KLC4: variants seen among roughly 807,000 people sequenced by gnomAD.
KLC4 encodes kinesin light chain 4.
A neutral mutation model predicts 77.2 loss-of-function variants in KLC4; 49 were observed. That is an observed-to-expected ratio of 0.63 (90% confidence interval 0.50 to 0.80). The LOEUF is 0.80. KLC4 is among the 30% of genes least tolerant of loss of function. The pLI is 0.00. For missense variants in KLC4, 669 were observed against 793.5 expected (o/e 0.84, Z 1.89); for synonymous variants, 274 against 314.5 (o/e 0.87, Z 1.36).
At position 43,070,346 on chromosome 6, in the gene KLC4, C is replaced by G. The variant is rs762463003; in HGVS notation, c.880-8C>G. On this transcript the variant is annotated splice_region_variant and splice_polypyrimidine_tract_variant and intron_variant, in intron 6 of 15. Transcript: ENST00000347162. Reference sequence around the variant, plus strand: ...AAATGTCTGATGGGGACAGGCCTGTCTTCATAGGTGGCTGCCACACTCAAC... The same window carrying G: ...AAATGTCTGATGGGGACAGGCCTGTGTTCATAGGTGGCTGCCACACTCAAC... The G allele has an allele frequency of 6.2e-7, 1 of 1,609,832 alleles. No individual in the cohort carries two copies. The highest frequency in any genetic ancestry group is 1.1e-5 in the South Asian group (1 of 90,960).
rs1342914591 is a variant in KLC4, at chr6:43,071,624, G to A, written c.1308+5G>A. 1 of 1,613,592 alleles carries A rather than the reference G, an allele frequency of 6.2e-7. No individual in the cohort carries two copies. Among genetic ancestry groups the A allele is most frequent in the South Asian group, 1.1e-5 (1 of 91,018 alleles). On this transcript the variant is annotated splice_donor_5th_base_variant and intron_variant, in intron 10 of 15. Transcript: ENST00000347162. ...GAGCGGGAGGAAATGAGCAAAGTGAGTGGGGGGAAGGGGGGCCAGCCTGGG... is the reference window on the plus strand; with the variant it reads ...GAGCGGGAGGAAATGAGCAAAGTGAATGGGGGGAAGGGGGGCCAGCCTGGG...
chr6:43,066,357 CAGCA>C lies in KLC4; in HGVS notation c.626_629del (p.Ala209GlyfsTer9). 1 of 1,614,152 alleles carries C rather than the reference CAGCA, an allele frequency of 6.2e-7. No individual in the cohort carries two copies. The highest frequency in any genetic ancestry group is 8.5e-7 in the Non-Finnish European group (1 of 1,180,022). On this transcript the variant is annotated frameshift_variant, in exon 5 of 16. Coordinates refer to ENST00000347162, the MANE Select transcript of KLC4 (RefSeq NM_201521.3). LOFTEE classifies it high-confidence loss of function. Reference sequence around the variant, plus strand: ...GCTCAGCAGGGTGGATATGAGATCCCAGCAAGGTTGCGGACGTTGCACAACCTGG... The same window carrying C: ...GCTCAGCAGGGTGGATATGAGATCCCAGGTTGCGGACGTTGCACAACCTGG...
Position 43,073,957 on chromosome 6 carries a change from C to T in KLC4, c.1801C>T (p.Pro601Ser). 2 of 1,610,290 alleles carry T rather than the reference C, an allele frequency of 1.2e-6. No homozygotes were observed. Among genetic ancestry groups the T allele is most frequent in the Non-Finnish European group, 8.5e-7 (1 of 1,178,002 alleles). ...CTATCTGAACCAACCTAGTGCAGCA[C>T]CCCTCCAGGTGAGAGCAGTGCTTGT... The part of the protein sequence containing the change: ...LNYLNQPSAA[P>S]LQVSRGLSAS... Residue 601 changes from proline (P) to serine (S), a missense_variant, in exon 15 of 16, where the codon CCC becomes TCC. Physicochemically the swap from Pro to Ser is moderately conservative, Grantham distance 74. Transcript: ENST00000347162.
In KLC4 at chr6:43,071,613, G is replaced by A. The variant is rs761552573; in HGVS notation, c.1302G>A (p.Met434Ile). 8 of 1,613,544 alleles carry A rather than the reference G, an allele frequency of 5.0e-6. No individual in the cohort carries two copies. Among genetic ancestry groups the A allele is most frequent in the African/African-American group, 2.7e-5 (2 of 74,868 alleles). Reference sequence around the variant, plus strand: ...TGCATGCAGAGGAGCGGGAGGAAATGAGCAAAGTGAGTGGGGGGAAGGGGG... The same window carrying A: ...TGCATGCAGAGGAGCGGGAGGAAATAAGCAAAGTGAGTGGGGGGAAGGGGG... ...IWMHAEEREE[M>I]SKSRHHEGGT... The change falls in exon 10 of 16, where the codon ATG (methionine) becomes ATA (isoleucine). Residue 434 changes from methionine (M) to isoleucine (I), a missense_variant. Transcript: ENST00000347162.
chr6:43,068,584 G>A (rs553820628), intron 6 of KLC4, among the ~76,000 whole-genome samples: 52 of 150,522 alleles, frequency 3.5e-4, no homozygotes, highest in African/African-American at 1.2e-3. Flanking sequence ...AAGGCAGGTC[G>A]ATCACCTGAG....
intron 11 of KLC4, 57 bp downstream of exon 11, chr6:43,071,979 T>C: frequency 6.6e-7 from 1 of 1,516,840 alleles, no homozygotes; most frequent in African/African-American, 1.4e-5. Flanking sequence ...CAGTCCCTGC[T>C]CCCAGCCTCC....
rs1235950878 is a variant in KLC4 at position 43,073,324 on chromosome 6, G to A, written c.1731G>A (p.Glu577=). 1 of 1,612,912 alleles carries A rather than the reference G, an allele frequency of 6.2e-7. No homozygotes were observed. Among genetic ancestry groups the A allele is most frequent in the South Asian group, 1.1e-5 (1 of 91,022 alleles). Residue 577 remains glutamate, a synonymous_variant, in exon 14 of 16, where the codon GAG becomes GAA. Coordinates refer to ENST00000347162, the MANE Select transcript of KLC4 (RefSeq NM_201521.3). ...TGGTGAGGAAGCTCCAGGGGACTGA[G>A]CCTCGGCCCTCCAGGTATACATGGA... ...ELLVRKLQGT[E]PRPSSSNMKR...
chr6:43,062,880 A>G, intron 2 of KLC4, 37 bp from the exon 3 acceptor site: 1 of 1,574,618 alleles, frequency 6.4e-7, no homozygotes. Flanking sequence ...GAATACTCCC[A>G]CCCAGAATCT....
intron 7 of KLC4, 85 bp downstream of exon 7, chr6:43,070,540 T>G: frequency 7.2e-7 from 1 of 1,391,094 alleles, no homozygotes. Context: ...CTCCTTCACT[T>G]TTTTTTTCTC....
In KLC4 at chr6:43,062,949, A is replaced by G. The variant is rs763478749; in HGVS notation, c.291A>G (p.Thr97=). 1.2e-6 allele frequency: 2 copies of G among 1,614,210 alleles called. No individual in the cohort carries two copies. Among genetic ancestry groups the G allele is most frequent in the Admixed American group, 1.7e-5 (1 of 60,026 alleles). The change falls in exon 3 of 16, where the codon ACA becomes ACG. Residue 97 remains threonine (T), a synonymous_variant. Coordinates refer to ENST00000347162, the MANE Select transcript of KLC4 (RefSeq NM_201521.3). Reference sequence around the variant, plus strand: ...TGGCTCTAGCCAGCCACCTGAGCACAGTGGAGTCGGAGAAACAGAAGCTGC... The same window carrying G: ...TGGCTCTAGCCAGCCACCTGAGCACGGTGGAGTCGGAGAAACAGAAGCTGC... ...VMLALASHLS[T]VESEKQKLRA... is the part of the protein sequence containing the mutation.
intron 6 of KLC4, among the ~76,000 whole-genome samples, chr6:43,068,759 C>T (rs556511184): frequency 3.2e-4 from 48 of 151,314 alleles, no homozygotes; most frequent in African/African-American, 9.7e-4. Context: ...TGCAGCGAGC[C>T]GAGATCGCAC....
At position 43,073,926 on chromosome 6, in the gene KLC4, C is replaced by T. The variant is rs760602639; in HGVS notation, c.1770C>T (p.Ser590=). ...PSSSNMKRAA[S]LNYLNQPSAA... is the part of the protein sequence containing the mutation. ...GCAGCAACATGAAGCGAGCAGCCTCCTTGAACTATCTGAACCAACCTAGTG... is the reference window on the plus strand; with the variant it reads ...GCAGCAACATGAAGCGAGCAGCCTCTTTGAACTATCTGAACCAACCTAGTG... The change falls in exon 15 of 16, where the codon TCC becomes TCT. Residue 590 remains serine (S), a synonymous_variant. Coordinates refer to ENST00000347162, the MANE Select transcript of KLC4 (RefSeq NM_201521.3). 6.2e-7 allele frequency: 1 copy of T among 1,613,888 alleles called. No homozygotes were observed. The highest frequency in any genetic ancestry group is 8.5e-7 in the Non-Finnish European group (1 of 1,179,854).
intron 3 of KLC4, among the ~76,000 whole-genome samples, chr6:43,063,573 G>A (rs1410661651): frequency 6.9e-6 from 1 of 144,606 alleles, no homozygotes; most frequent in Non-Finnish European, 1.5e-5. Context: ...TTTTTTTTGA[G>A]ACGGAGTTTC....
rs886156690 is a variant in KLC4 at position 43,072,071 on chromosome 6, T to C, written c.1380-76T>C. On this transcript the variant is annotated intron_variant, in intron 11 of 15. Coordinates refer to ENST00000347162, the MANE Select transcript of KLC4 (RefSeq NM_201521.3). ...CCTATTTTCTTATTTTTTTTCCTCT[T>C]GTCTTGCTTGGAAGACAAATGTTTT... is the stretch of plus-strand genomic sequence containing the variant. 2.1e-5 allele frequency: 31 copies of C among 1,446,680 alleles called. No homozygotes were observed. In the Admixed American group the frequency reaches 4.4e-4, roughly 21 times the overall value. 89.6% of individuals were successfully genotyped at this position (1,446,680 alleles called of 1,614,324 possible).
intron 7 of KLC4, 39 bp downstream of exon 7, chr6:43,070,494 G>T: frequency 6.5e-7 from 1 of 1,535,720 alleles, no homozygotes; most frequent in South Asian, 1.1e-5. Context: ...TTGTCGCTGT[G>T]ACCCTTCTCT....
rs778095202 is a variant in KLC4, at chr6:43,061,467, G to A, written c.132G>A (p.Leu44=). The part of the protein sequence containing the change: ...EALRSEHQAV[L]QSLSQTIECL... ...TACGCAGTGAACACCAGGCCGTGCTGCAAAGCCTGTCCCAGACCATTGAGT... is the reference window on the plus strand; with the variant it reads ...TACGCAGTGAACACCAGGCCGTGCTACAAAGCCTGTCCCAGACCATTGAGT... Residue 44 remains leucine (L), a synonymous_variant, in exon 2 of 16, where the codon CTG becomes CTA. Transcript: ENST00000347162. 1.2e-6 allele frequency: 2 copies of A among 1,614,188 alleles called. No individual in the cohort carries two copies. The highest frequency in any genetic ancestry group is 2.2e-5 in the East Asian group (1 of 44,890).
At chr6:43,069,757 A>G (rs1448344432) in intron 6 of KLC4, among the ~76,000 whole-genome samples, 1 of 152,172 alleles carries the variant, frequency 6.6e-6, no homozygotes, top group Non-Finnish European at 1.5e-5. Context: ...CATGTTGGTC[A>G]GGCTGGTCTC....
At chr6:43,072,027 C>G in intron 11 of KLC4, 105 bp downstream of exon 11, 1 of 1,398,630 alleles carries the variant, frequency 7.1e-7, no homozygotes, top group Non-Finnish European at 1.0e-6. Flanking sequence ...TTTCCCTCAG[C>G]TTTAGCTCTG....
chr6:43,067,650 C>T (rs1312299895), intron 6 of KLC4, among the ~76,000 whole-genome samples: 1 of 150,410 alleles, frequency 6.6e-6, no homozygotes, highest in Non-Finnish European at 1.5e-5. Context: ...ACAAAAAATG[C>T]CGGGCGTGGT....
Sources: allele counts gnomAD v4.1 joint callset (sites outside exome capture counted in the v4.1 genomes callset), GRCh38; gene constraint gnomAD v4.1.1; transcripts MANE v1.5; gene names NCBI Gene and HGNC (gene_info 2026-07-23, HGNC 2026-07-21).